BRIP1: variants seen among roughly 807,000 people sequenced by gnomAD.
BRIP1 encodes BRCA1 interacting DNA helicase 1, also known as Fanconi anemia group J protein.
BRIP1 carries 88 observed loss-of-function variants against 119.7 expected under a neutral mutation model. That is an observed-to-expected ratio of 0.74 (90% CI 0.62 to 0.88). The LOEUF (loss-of-function observed/expected upper bound fraction) is 0.88, where lower values mean the gene tolerates loss of function less well. Ranked by LOEUF, BRIP1 falls within the 40% of genes least tolerant of loss-of-function variation. The pLI, the probability that BRIP1 is intolerant of heterozygous loss-of-function variation, is 0.00. For missense variants in BRIP1, 1,259 were observed against 1,455.4 expected, an observed-to-expected ratio of 0.87 and a Z score of 2.20; for synonymous variants, 443 against 496.5, an observed-to-expected ratio of 0.89 and a Z score of 1.43.
rs1264699285 is a variant in BRIP1, at chr17:61,795,197, T to C, written c.1341-1468A>G. 6.6e-6 allele frequency among the ~76,000 whole-genome samples: 1 copy of C among 152,116 alleles called. No individual in the cohort carries two copies. Among genetic ancestry groups the C allele is most frequent in the Non-Finnish European group, 1.5e-5 (1 of 67,994 alleles). On this transcript the variant is annotated intron_variant, in intron 9 of 19. Coordinates refer to ENST00000259008, the MANE Select transcript of BRIP1 (RefSeq NM_032043.3). This position sits in a 1 kb window ranked among gnomAD's most constrained non-coding sequence, Gnocchi z 5.6. ...TATGTAATAATCACATCATGGAAGA[T>C]GGGGTATCCATCCTCTCAAGCATTA...
Position 61,704,464 on chromosome 17 carries a change from G to A in BRIP1, c.2493-10952C>T, listed in dbSNP as rs7213486. On this transcript the variant is annotated intron_variant, in intron 17 of 19. Transcript: ENST00000259008. This position sits in a 1 kb window ranked among gnomAD's most constrained non-coding sequence, Gnocchi z 5.7. ...CTATTTCTTTGCTAGATAGCTATGC[G>A]TGTTATCTGTTTCATCTTGGCCTCA... Among the ~76,000 whole-genome samples the A allele has an allele frequency of 0.6, 91,800 of 151,750 alleles. 28,333 individuals carry two copies. Among genetic ancestry groups the A allele is most frequent in the Admixed American group, 0.73 (11,217 of 15,266 alleles).
At chr17:61,749,868 C>T (rs1259176587) in intron 14 of BRIP1, among the ~76,000 whole-genome samples, 1 of 152,134 alleles carries the variant, frequency 6.6e-6, no homozygotes, top group Non-Finnish European at 1.5e-5. Context: ...AGAAATACAA[C>T]TCATTTTTGT....
intron 6 of BRIP1, among the ~76,000 whole-genome samples, chr17:61,819,272 C>T (rs1460897701): frequency 3.3e-5 from 5 of 151,740 alleles, no homozygotes; most frequent in Non-Finnish European, 7.4e-5. Context: ...CCTCATACAC[C>T]GTTGGTGGGA....
At chr17:61,847,670 C>T (rs1428964194) in intron 5 of BRIP1, among the ~76,000 whole-genome samples, 1 of 152,136 alleles carries the variant, frequency 6.6e-6, no homozygotes, top group Non-Finnish European at 1.5e-5. Context: ...GAATAAATTA[C>T]TCGATTACTA....
rs1323241143 is a variant in BRIP1 at position 61,831,510 on chromosome 17, A to G, written c.627+15591T>C. Among the ~76,000 whole-genome samples, 1 of 152,200 alleles carries G rather than the reference A, an allele frequency of 6.6e-6. No individual in the cohort carries two copies. The highest frequency in any genetic ancestry group is 1.5e-5 in the Non-Finnish European group (1 of 68,026). On this transcript the variant is annotated intron_variant, in intron 6 of 19. Coordinates refer to ENST00000259008, the MANE Select transcript of BRIP1 (RefSeq NM_032043.3). This position sits in a 1 kb window ranked among gnomAD's most constrained non-coding sequence, Gnocchi z 4.1. ...ATATCTGTCCTTTTATGACTGGCTT[A>G]TTTTACTTCACATAATGTCTTCAAG... is the stretch of plus-strand genomic sequence containing the variant.
rs2078217197 is a variant in BRIP1, at chr17:61,815,109, T to G, written c.628-6352A>C. The stretch of plus-strand genomic sequence containing the variant: ...AAACATACCTGAAAAATGCTAGAAG[T>G]GCTGGAAAAAAAAAAAAAAACCCAC... On this transcript the variant is annotated intron_variant, in intron 6 of 19. Coordinates refer to ENST00000259008, the MANE Select transcript of BRIP1 (RefSeq NM_032043.3). This position sits in a 1 kb window ranked among gnomAD's most constrained non-coding sequence, Gnocchi z 4.1. 1.3e-5 allele frequency among the ~76,000 whole-genome samples: 1 copy of G among 74,808 alleles called. No homozygotes were observed. Among genetic ancestry groups the G allele is most frequent in the African/African-American group, 7.1e-5 (1 of 14,100 alleles). The allele number at this position is 74,808 out of a possible 152,430, so 49.1% of individuals were successfully genotyped here. A position where few individuals can be genotyped will look rare whatever the true frequency, so the allele number is the denominator to read the frequency against.
rs527401027 is a variant in BRIP1 at position 61,809,661 on chromosome 17, T to A, written c.628-904A>T. ...TCTAAGTCTCAATTATTACACCAAA[T>A]GACACAGAACAAAGTCTCATTTTAG... On this transcript the variant is annotated intron_variant, in intron 6 of 19. Transcript: ENST00000259008. This position sits in a 1 kb window ranked among gnomAD's most constrained non-coding sequence, Gnocchi z 5.2. Among the ~76,000 whole-genome samples, 4 of 152,218 alleles carry A rather than the reference T, an allele frequency of 2.6e-5. No individual in the cohort carries two copies. Among genetic ancestry groups the A allele is most frequent in the Non-Finnish European group, 5.9e-5 (4 of 67,992 alleles).
rs1452917087 is a variant in BRIP1, at chr17:61,730,639, A to G, written c.2379+12374T>C. Among the ~76,000 whole-genome samples, 1 of 152,168 alleles carries G rather than the reference A, an allele frequency of 6.6e-6. No individual in the cohort carries two copies. The highest frequency in any genetic ancestry group is 1.9e-4 in the East Asian group (1 of 5,196). On this transcript the variant is annotated intron_variant, in intron 16 of 19. Transcript: ENST00000259008. The surrounding 1 kb of genome is among the most constrained non-coding windows in gnomAD (Gnocchi z 4.3). The stretch of plus-strand genomic sequence containing the variant: ...TCAGAATTGTTCAAAAATCAAAACC[A>G]AAAGTTTTTATTTATTAATTATCCA...
rs8072563 is a variant in BRIP1 at position 61,845,582 on chromosome 17, C to T, written c.627+1519G>A. Among the ~76,000 whole-genome samples, 2 of 152,158 alleles carry T rather than the reference C, an allele frequency of 1.3e-5. No homozygotes were observed. The highest frequency in any genetic ancestry group is 6.6e-5 in the Admixed American group (1 of 15,262). On this transcript the variant is annotated intron_variant, in intron 6 of 19. Transcript: ENST00000259008. The surrounding 1 kb of genome is among the most constrained non-coding windows in gnomAD (Gnocchi z 4.2). The stretch of plus-strand genomic sequence containing the variant: ...ACAAATTTTTTAAAATTCTGATTTT[C>T]ACTTGAAAGCTCAAATTTTATCTGG...
At chr17:61,698,614 A>T (rs922154061) in intron 17 of BRIP1, among the ~76,000 whole-genome samples, 1 of 152,040 alleles carries the variant, frequency 6.6e-6, no homozygotes, top group Non-Finnish European at 1.5e-5. Flanking sequence ...TTACTAAATT[A>T]TTGATTTCTG....
At chr17:61,821,622 T>C (rs554118684) in intron 6 of BRIP1, among the ~76,000 whole-genome samples, 12 of 152,052 alleles carry the variant, frequency 7.9e-5, no homozygotes, top group Non-Finnish European at 1.6e-4. Context: ...GTTGAACTCC[T>C]AGGTTTAAGC....
rs371260852 is a variant in BRIP1 at position 61,748,622 on chromosome 17, T to C, written c.2098-4031A>G. On this transcript the variant is annotated intron_variant, in intron 14 of 19. Transcript: ENST00000259008. This position sits in a 1 kb window ranked among gnomAD's most constrained non-coding sequence, Gnocchi z 4.7. ...AATTGCATTGCCATAAAGACAGACA[T>C]ATAGACCATTGGAAGAGAATAGAGA... Among the ~76,000 whole-genome samples, 13 of 152,118 alleles carry C rather than the reference T, an allele frequency of 8.5e-5. No homozygotes were observed. Among genetic ancestry groups the C allele is most frequent in the African/African-American group, 3.1e-4 (13 of 41,502 alleles).
In BRIP1 at chr17:61,816,181, G is replaced by A. The variant is rs1441199016; in HGVS notation, c.628-7424C>T. 1.3e-5 allele frequency among the ~76,000 whole-genome samples: 2 copies of A among 152,166 alleles called. No individual in the cohort carries two copies. The highest frequency in any genetic ancestry group is 1.3e-4 in the Admixed American group (2 of 15,276). On this transcript the variant is annotated intron_variant, in intron 6 of 19. Transcript: ENST00000259008. The surrounding 1 kb of genome is among the most constrained non-coding windows in gnomAD (Gnocchi z 5.0). Reference sequence around the variant, plus strand: ...AAACGTTTTAATTAAGCTGGAACTTGCTTCAAAGAGCTCATTCAAGATGTC... The same window carrying A: ...AAACGTTTTAATTAAGCTGGAACTTACTTCAAAGAGCTCATTCAAGATGTC...
In BRIP1 at chr17:61,862,204, T is replaced by C. The variant is rs2078982858; in HGVS notation, c.-30-635A>G. On this transcript the variant is annotated intron_variant, in intron 1 of 19. Coordinates refer to ENST00000259008, the MANE Select transcript of BRIP1 (RefSeq NM_032043.3). The surrounding 1 kb of genome is among the most constrained non-coding windows in gnomAD (Gnocchi z 5.3). ...ACTTCTCTAGTCTAAGATCCTTACC[T>C]GTGATAACCCCTAATTTAATTTAAA... is the stretch of plus-strand genomic sequence containing the variant. 1 of 152,936 alleles carries C rather than the reference T, an allele frequency of 6.5e-6. No homozygotes were observed. Among genetic ancestry groups the C allele is most frequent in the African/African-American group, 2.4e-5 (1 of 41,466 alleles). 9.5% of individuals were successfully genotyped at this position (152,936 alleles called of 1,614,324 possible). A position where few individuals can be genotyped will look rare whatever the true frequency, so the allele number is the denominator to read the frequency against.
In BRIP1 at chr17:61,700,254, CT is replaced by C. The variant is rs1474365856; in HGVS notation, c.2493-6743del. ...TAAGCAAGAAGTACCTTTATATTAA[CT>C]TTTACATTTACGTATGTCGTTAACT... On this transcript the variant is annotated intron_variant, in intron 17 of 19. Coordinates refer to ENST00000259008, the MANE Select transcript of BRIP1 (RefSeq NM_032043.3). The surrounding 1 kb of genome is among the most constrained non-coding windows in gnomAD (Gnocchi z 4.1). Among the ~76,000 whole-genome samples the C allele has an allele frequency of 1.3e-5, 2 of 152,132 alleles. No homozygotes were observed. The highest frequency in any genetic ancestry group is 4.8e-5 in the African/African-American group (2 of 41,424).
At position 61,810,027 on chromosome 17, in the gene BRIP1, G is replaced by C. The variant is rs2078137939; in HGVS notation, c.628-1270C>G. Among the ~76,000 whole-genome samples the C allele has an allele frequency of 6.6e-6, 1 of 152,128 alleles. No individual in the cohort carries two copies. Among genetic ancestry groups the C allele is most frequent in the African/African-American group, 2.4e-5 (1 of 41,402 alleles). On this transcript the variant is annotated intron_variant, in intron 6 of 19. Transcript: ENST00000259008. This position sits in a 1 kb window ranked among gnomAD's most constrained non-coding sequence, Gnocchi z 4.7. The stretch of plus-strand genomic sequence containing the variant: ...GAATGGATGTAAATGTGACCCTTCT[G>C]GAGCTGTCACTCACTGGGATAAAAG...
chr17:61,757,810 G>A lies in BRIP1; in HGVS notation c.2098-13219C>T, dbSNP rs1346869868. 6.6e-6 allele frequency among the ~76,000 whole-genome samples: 1 copy of A among 151,876 alleles called. No individual in the cohort carries two copies. Among genetic ancestry groups the A allele is most frequent in the Non-Finnish European group, 1.5e-5 (1 of 67,948 alleles). On this transcript the variant is annotated intron_variant, in intron 14 of 19. Coordinates refer to ENST00000259008, the MANE Select transcript of BRIP1 (RefSeq NM_032043.3). The surrounding 1 kb of genome is among the most constrained non-coding windows in gnomAD (Gnocchi z 4.3). ...AGCTCAGGATTTCAAGACCAGCCTG[G>A]GCAACATGGCTAAACCCCATCTCTA...
At chr17:61,787,428 AAT>A (rs1476309029) in intron 10 of BRIP1, among the ~76,000 whole-genome samples, 2 of 130,140 alleles carry the variant, frequency 1.5e-5, no homozygotes, top group East Asian at 2.1e-4. Flanking sequence ...TAAAATATAT[AAT>A]ATATATACTA....
In BRIP1 at chr17:61,784,464, G is replaced by A. The variant is rs756994567; in HGVS notation, c.1474-40C>T. The A allele has an allele frequency of 1.2e-5, 19 of 1,567,434 alleles. No homozygotes were observed. The South Asian group carries it at 2.2e-4, about 18-fold the overall frequency. ...CATATTAAGTATAGAGGGGTTGGGAGGGAATTGGAAAAAGAAACTTCTCAA... is the reference window on the plus strand; with the variant it reads ...CATATTAAGTATAGAGGGGTTGGGAAGGAATTGGAAAAAGAAACTTCTCAA... On this transcript the variant is annotated intron_variant, in intron 10 of 19. Coordinates refer to ENST00000259008, the MANE Select transcript of BRIP1 (RefSeq NM_032043.3).
Sources: allele counts gnomAD v4.1 joint callset (sites outside exome capture counted in the v4.1 genomes callset), GRCh38; gene constraint gnomAD v4.1.1; non-coding constraint Gnocchi (gnomAD v3.1); transcripts MANE v1.5; gene names NCBI Gene and HGNC (gene_info 2026-07-23, HGNC 2026-07-21).